The following MBTPS1 variants were observed in gnomAD, a reference collection of about 807,000 sequenced individuals.
The protein encoded by MBTPS1 is membrane bound transcription factor peptidase, site 1.
A neutral mutation model predicts 127.8 loss-of-function variants in MBTPS1; 94 were observed. The ratio of observed to expected loss-of-function variants is 0.74; its 90% CI spans 0.62 to 0.87. The LOEUF (loss-of-function observed/expected upper bound fraction) is 0.87. MBTPS1 is among the 40% of genes least tolerant of loss of function. The pLI, the probability that MBTPS1 is intolerant of heterozygous loss-of-function variation, is 0.00. For synonymous variants in MBTPS1, 632 were observed against 509.4 expected (o/e 1.24, Z -3.24); for missense variants, 1,636 against 1,353.2 (o/e 1.21, Z -3.28).
At chr16:84,072,420 C>A (rs554803473) in intron 12 of MBTPS1, among the ~76,000 whole-genome samples, 1 of 152,160 alleles carries the variant, frequency 6.6e-6, no homozygotes, top group African/African-American at 2.4e-5. Context: ...CCAAACTGTG[C>A]GACCTAAAAG....
chr16:84,085,052 C>G lies in MBTPS1; in HGVS notation c.1217G>C (p.Gly406Ala). 1 of 1,614,164 alleles carries G rather than the reference C, an allele frequency of 6.2e-7. No homozygotes were observed. The highest frequency in any genetic ancestry group is 1.1e-5 in the South Asian group (1 of 91,082). Residue 406 changes from glycine (G) to alanine (A), a missense_variant, in exon 10 of 23, where the codon GGG becomes GCG. By Grantham distance (60) the Gly-to-Ala change is moderately conservative (BLOSUM62 0). Coordinates refer to ENST00000343411, the MANE Select transcript of MBTPS1 (RefSeq NM_003791.4). ...AGVRGSGVKG[G>A]CRALSGTSVA... ...ACTGGTCCCTGAGAGGGCCCGGCAC[C>G]CCCCTTTCACGCCAGAACCCCGCAC... is the stretch of plus-strand genomic sequence containing the variant.
intron 1 of MBTPS1, among the ~76,000 whole-genome samples, chr16:84,103,554 T>C (rs2086286153): frequency 1.3e-5 from 2 of 152,224 alleles, no homozygotes. Flanking sequence ...GTCCGCCCAC[T>C]ACTTGTTTTT....
chr16:84,071,663 A>G (rs574845397), intron 12 of MBTPS1: 67 of 152,350 alleles, frequency 4.4e-4, no homozygotes, highest in African/African-American at 1.5e-3. Context: ...AAATTTTATT[A>G]TCTCTCTGGA....
intron 18 of MBTPS1, among the ~76,000 whole-genome samples, chr16:84,065,460 C>T (rs936981325): frequency 2.6e-5 from 4 of 152,024 alleles, no homozygotes; most frequent in South Asian, 2.1e-4. Flanking sequence ...TTTCTTATTG[C>T]GGTGATAAAA....
At chr16:84,082,013 G>A in intron 10 of MBTPS1, 105 bp from the exon 11 acceptor site, 3 of 750,466 alleles carry the variant, frequency 4.0e-6, no homozygotes, top group Non-Finnish European at 5.6e-6. Flanking sequence ...CTGCAGTCTT[G>A]TTTAGTATCC....
chr16:84,088,404 G>A (rs1013896539), intron 8 of MBTPS1, among the ~76,000 whole-genome samples: 2 of 151,620 alleles, frequency 1.3e-5, no homozygotes, highest in African/African-American at 2.4e-5. Context: ...TCAGAGGAAC[G>A]AATAATGATT....
At chr16:84,084,900 G>GC (rs1290046663) in intron 10 of MBTPS1, 83 bp downstream of exon 10, 1 of 1,468,820 alleles carries the variant, frequency 6.8e-7, no homozygotes, top group African/African-American at 1.4e-5. Flanking sequence ...CAGGGCAGAA[G>GC]CAAGACACGA....
At chr16:84,110,948 A>T (rs1353432716) in intron 1 of MBTPS1, 1 of 152,262 alleles carries the variant, frequency 6.6e-6, no homozygotes, top group Non-Finnish European at 1.5e-5. Context: ...AAACAAGGAG[A>T]CTGGCTCAAT....
intron 11 of MBTPS1, chr16:84,075,375 T>C (rs2085839958): frequency 6.6e-6 from 1 of 152,300 alleles, no homozygotes; most frequent in South Asian, 2.1e-4. Flanking sequence ...ACACAAGTGC[T>C]CTGGCAATTA....
intron 11 of MBTPS1, among the ~76,000 whole-genome samples, chr16:84,076,999 GAGGA>G (rs1176021726): frequency 1.3e-5 from 2 of 152,182 alleles, no homozygotes; most frequent in African/African-American, 4.8e-5. Flanking sequence ...GCCGAGGCGG[GAGGA>G]CGGCTTGAGC....
chr16:84,090,569 T>A (rs185596080), intron 8 of MBTPS1, among the ~76,000 whole-genome samples: 85 of 152,250 alleles, frequency 5.6e-4, no homozygotes, highest in African/African-American at 2.0e-3. Context: ...TCTGATTGAT[T>A]TTTGGGGAAA....
Position 84,102,031 on chromosome 16 carries a change from C to A in MBTPS1, c.-248G>T. The A allele has an allele frequency of 2.2e-6, 1 of 461,648 alleles. No homozygotes were observed. Among genetic ancestry groups the A allele is most frequent in the Non-Finnish European group, 3.9e-6 (1 of 254,678 alleles). 28.6% of individuals were successfully genotyped at this position (461,648 alleles called of 1,614,324 possible). A position where few individuals can be genotyped will look rare whatever the true frequency, so the allele number is the denominator to read the frequency against. On this transcript the variant is annotated 5_prime_UTR_variant, in exon 2 of 23. Transcript: ENST00000343411. ...AAGGCTTCTCTCACTCAGGCCGTGA[C>A]GACTGAGTCCTGTACTCCATTTGTA...
Position 84,066,558 on chromosome 16 carries a change from G to C in MBTPS1, c.2284C>G (p.Leu762Val). 1 of 1,614,116 alleles carries C rather than the reference G, an allele frequency of 6.2e-7. No homozygotes were observed. The highest frequency in any genetic ancestry group is 8.5e-7 in the Non-Finnish European group (1 of 1,179,950). Residue 762 changes from leucine to valine, a missense_variant, in exon 17 of 23, where the codon CTG becomes GTG. Coordinates refer to ENST00000343411, the MANE Select transcript of MBTPS1 (RefSeq NM_003791.4). ...CTGAACCCCATGTTCCACACAGACA[G>C]CAGCTCATTCAGAGCTGGGATGTTA... ...GANIPALNEL[L>V]SVWNMGFSDG...
chr16:84,081,335 C>T (rs528376584), intron 11 of MBTPS1, among the ~76,000 whole-genome samples: 2 of 152,198 alleles, frequency 1.3e-5, no homozygotes, highest in South Asian at 4.1e-4. Context: ...AATTACAGCA[C>T]AGTGTCAGTG....
At chr16:84,085,627 A>G (rs1053204400) in intron 9 of MBTPS1, among the ~76,000 whole-genome samples, 1 of 150,960 alleles carries the variant, frequency 6.6e-6, no homozygotes, top group African/African-American at 2.4e-5. Context: ...AATACAGAAA[A>G]TAAGCTTAAA....
chr16:84,066,920 A>G (rs562094317), intron 16 of MBTPS1, among the ~76,000 whole-genome samples: 119 of 152,372 alleles, frequency 7.8e-4, no homozygotes, highest in Non-Finnish European at 1.2e-3. Context: ...GAGATGAGAA[A>G]GAAGCATAGA....
At chr16:84,070,110 T>C (rs1176362820) in intron 13 of MBTPS1, 72 bp from the exon 14 acceptor site, 5 of 1,267,548 alleles carry the variant, frequency 3.9e-6, no homozygotes, top group East Asian at 4.7e-5. Flanking sequence ...GAAAACATCA[T>C]TTCTATTTAT....
chr16:84,111,243 T>C (rs1402786695), intron 1 of MBTPS1, among the ~76,000 whole-genome samples: 6 of 152,042 alleles, frequency 3.9e-5, no homozygotes, highest in African/African-American at 1.4e-4. Context: ...GATGTGATGA[T>C]GAAAGCAACA....
At chr16:84,072,105 G>A (rs931049567) in intron 12 of MBTPS1, 2 of 152,244 alleles carry the variant, frequency 1.3e-5, no homozygotes, top group African/African-American at 4.8e-5. Context: ...ACGCCATGTG[G>A]CCGACCCGCC....
Sources: gnomAD v4.1 joint callset for allele counts (sites outside exome capture counted in the v4.1 genomes callset) on GRCh38, gnomAD v4.1.1 for gene constraint, MANE v1.5 for transcripts, NCBI Gene and HGNC (gene_info 2026-07-23, HGNC 2026-07-21) for gene names.